R3HDM2: variants seen among roughly 807,000 people sequenced by gnomAD.
The protein encoded by R3HDM2 is R3H domain containing 2.
In R3HDM2, 38 loss-of-function variants were observed where a neutral mutation model predicts 124.5. The ratio of observed to expected loss-of-function variants is 0.31; its 90% CI spans 0.24 to 0.40. The LOEUF (loss-of-function observed/expected upper bound fraction) is 0.40. Ranked by LOEUF, R3HDM2 falls within the 10% of genes least tolerant of loss-of-function variation. The pLI is 1.00. For missense variants in R3HDM2, 869 were observed against 1,236.9 expected (o/e 0.70, Z 4.46); for synonymous variants, 391 against 448.0 (o/e 0.87, Z 1.61).
intron 2 of R3HDM2, among the ~76,000 whole-genome samples, chr12:57,377,753 C>A (rs1221708502): frequency 6.6e-6 from 1 of 152,106 alleles, no homozygotes; most frequent in African/African-American, 2.4e-5. Flanking sequence ...TAAGTAATCA[C>A]CTCTCTAAGC....
intron 11 of R3HDM2, among the ~76,000 whole-genome samples, chr12:57,289,637 CT>C (rs1463849402): frequency 1.2e-4 from 18 of 152,322 alleles, no homozygotes; most frequent in Admixed American, 1.1e-3. Flanking sequence ...GACAAAGCCA[CT>C]GAGCTGAGTG....
intron 2 of R3HDM2, among the ~76,000 whole-genome samples, chr12:57,331,718 T>C (rs915535690): frequency 6.6e-6 from 1 of 151,868 alleles, no homozygotes; most frequent in Non-Finnish European, 1.5e-5. Context: ...ATCAAGACCA[T>C]CCTGGCTAAC....
intron 2 of R3HDM2, among the ~76,000 whole-genome samples, chr12:57,328,911 T>C (rs1566179625): frequency 6.6e-6 from 1 of 152,194 alleles, no homozygotes; most frequent in East Asian, 1.9e-4. Context: ...ACTTGCTTTA[T>C]TGTGATATTC....
intron 2 of R3HDM2, among the ~76,000 whole-genome samples, chr12:57,318,351 T>C (rs1407216824): frequency 2.0e-5 from 3 of 151,274 alleles, no homozygotes; most frequent in African/African-American, 7.3e-5. Flanking sequence ...GCTCTTTAAG[T>C]AGAAATAACT....
intron 1 of R3HDM2, among the ~76,000 whole-genome samples, chr12:57,414,486 T>TAAA (rs534205889): frequency 4.5e-5 from 3 of 66,636 alleles, no homozygotes; most frequent in South Asian, 7.6e-4. Flanking sequence ...AAGACTCCAT[T>TAAA]AAAAAAAAAA....
chr12:57,360,887 C>T (rs1460376425), intron 2 of R3HDM2, among the ~76,000 whole-genome samples: 1 of 151,546 alleles, frequency 6.6e-6, no homozygotes, highest in African/African-American at 2.4e-5. Flanking sequence ...CCTGTCTCTA[C>T]TAAAAATACA....
intron 2 of R3HDM2, among the ~76,000 whole-genome samples, chr12:57,374,618 G>A (rs2063788746): frequency 6.9e-6 from 1 of 145,198 alleles, no homozygotes; most frequent in Non-Finnish European, 1.5e-5. Context: ...AGGAGGCGGA[G>A]GTTGCAGTGA....
intron 1 of R3HDM2, among the ~76,000 whole-genome samples, chr12:57,416,446 T>A (rs2069612038): frequency 6.6e-6 from 1 of 152,162 alleles, no homozygotes; most frequent in Non-Finnish European, 1.5e-5. Context: ...AGAAGCAACA[T>A]TAACCAAAAT....
In R3HDM2 at chr12:57,296,824, G is replaced by C. The variant is rs1181222652; in HGVS notation, c.561-273C>G. 4 of 301,246 alleles carry C rather than the reference G, an allele frequency of 1.3e-5. No individual in the cohort carries two copies. In the East Asian group the frequency reaches 2.7e-4, roughly 21 times the overall value. The allele number at this position is 301,246 out of a possible 1,614,324, so 18.7% of individuals were successfully genotyped here. On this transcript the variant is annotated intron_variant, in intron 8 of 23. Coordinates refer to ENST00000402412, the MANE Select transcript of R3HDM2 (RefSeq NM_001394031.1). The surrounding 1 kb of genome is among the most constrained non-coding windows in gnomAD (Gnocchi z 4.5). ...CATGCCCGTAATCCCAGCACTTTGG[G>C]AGGCCAAGGCAGGCGGATCAATTGA...
At chr12:57,395,581 T>C (rs1319014666) in intron 2 of R3HDM2, among the ~76,000 whole-genome samples, 168 bp downstream of exon 2, 1 of 152,088 alleles carries the variant, frequency 6.6e-6, no homozygotes, top group Non-Finnish European at 1.5e-5. Context: ...CGCCTGGCAC[T>C]GAACTCACTC....
chr12:57,385,266 G>A lies in R3HDM2; in HGVS notation c.-36+10483C>T, dbSNP rs531648800. Among the ~76,000 whole-genome samples the A allele has an allele frequency of 2.1e-3, 304 of 146,818 alleles. 2 individuals are homozygous for A. Among genetic ancestry groups the A allele is most frequent in the African/African-American group, 7.2e-3 (289 of 39,886 alleles). On this transcript the variant is annotated intron_variant, in intron 2 of 23. Transcript: ENST00000402412. ...AAGACTTTTTTTTTTTTTTTGAGAC[G>A]GAGTCTCACTCTGTCGCCCAGGCTG...
intron 14 of R3HDM2, chr12:57,272,485 G>T: frequency 6.4e-7 from 1 of 1,550,768 alleles, no homozygotes; most frequent in Non-Finnish European, 8.7e-7. Flanking sequence ...GAGACTGGCA[G>T]AAGGACTTGG....
At chr12:57,312,350 C>G (rs2054096755) in intron 2 of R3HDM2, among the ~76,000 whole-genome samples, 1 of 150,832 alleles carries the variant, frequency 6.6e-6, no homozygotes, top group Admixed American at 6.6e-5. Flanking sequence ...CTCTGTCACC[C>G]AGGCTGGAGT....
At chr12:57,360,477 A>AT (rs1191198009) in intron 2 of R3HDM2, among the ~76,000 whole-genome samples, 5 of 151,746 alleles carry the variant, frequency 3.3e-5, no homozygotes, top group Admixed American at 6.6e-5. Context: ...TCTAAAAAAA[A>AT]TTTTTTTTTA....
chr12:57,356,169 A>G (rs1295041183), intron 2 of R3HDM2, among the ~76,000 whole-genome samples: 2 of 152,150 alleles, frequency 1.3e-5, no homozygotes, highest in Non-Finnish European at 2.9e-5. Context: ...AGAATTCAGT[A>G]TTACCACTAA....
intron 2 of R3HDM2, among the ~76,000 whole-genome samples, chr12:57,373,156 T>G (rs1260852446): frequency 6.6e-6 from 1 of 152,174 alleles, no homozygotes; most frequent in Non-Finnish European, 1.5e-5. Context: ...AAGCTATGAC[T>G]GTGCTGCTGC....
chr12:57,311,222 CTTATATATA>C (rs2053835705), intron 2 of R3HDM2, among the ~76,000 whole-genome samples: 1 of 151,190 alleles, frequency 6.6e-6, no homozygotes, highest in Non-Finnish European at 1.5e-5. Context: ...TCTATAAAAT[CTTATATATA>C]TATATATATT....
chr12:57,334,812 T>C (rs1487435510), intron 2 of R3HDM2, among the ~76,000 whole-genome samples: 1 of 152,084 alleles, frequency 6.6e-6, no homozygotes, highest in Admixed American at 6.6e-5. Context: ...AAACTTCCCA[T>C]GCCTCAATAT....
At chr12:57,266,527 C>G (rs1171226774) in intron 19 of R3HDM2, among the ~76,000 whole-genome samples, 1 of 152,222 alleles carries the variant, frequency 6.6e-6, no homozygotes, top group Non-Finnish European at 1.5e-5. Context: ...AGCCAGTGTG[C>G]CTGGCCCCAG....
Sources: gnomAD v4.1 joint callset for allele counts (sites outside exome capture counted in the v4.1 genomes callset) on GRCh38, gnomAD v4.1.1 for gene constraint, Gnocchi (gnomAD v3.1) non-coding constraint, MANE v1.5 for transcripts, NCBI Gene and HGNC (gene_info 2026-07-23, HGNC 2026-07-21) for gene names.